Variants in EPHA8 observed in about 807,000 individuals in gnomAD.
The protein encoded by EPHA8 is ephrin type-A receptor 8.
In EPHA8, 58 loss-of-function variants were observed where a neutral mutation model predicts 103.6. The observed-to-expected ratio is 0.56, with a 90% CI of 0.45 to 0.70. The LOEUF is 0.70. EPHA8 is among the 30% of genes least tolerant of loss of function. The pLI is 0.00. For synonymous variants in EPHA8, 559 were observed against 572.5 expected (o/e 0.98, Z 0.34); for missense variants, 1,304 against 1,395.2 (o/e 0.93, Z 1.04).
At position 22,587,274 on chromosome 1, in the gene EPHA8, C is replaced by T. The variant is rs187164887; in HGVS notation, c.979+639C>T. Among the ~76,000 whole-genome samples, 12 of 152,248 alleles carry T rather than the reference C, an allele frequency of 7.9e-5. No individual in the cohort carries two copies. In the East Asian group the frequency reaches 1.2e-3, roughly 15 times the overall value. On this transcript the variant is annotated intron_variant, in intron 4 of 16. Transcript: ENST00000166244. ...GTTGAGCTCACATATATAAAGGATT[C>T]GTCACATATATTAAGGATTCTTAGG... is the stretch of plus-strand genomic sequence containing the variant.
At position 22,576,565 on chromosome 1, in the gene EPHA8, G is replaced by T; in HGVS notation, c.508G>T (p.Val170Leu). The T allele has an allele frequency of 6.2e-7, 1 of 1,614,148 alleles. No individual in the cohort carries two copies. The highest frequency in any genetic ancestry group is 8.5e-7 in the Non-Finnish European group (1 of 1,180,046). ...GVRRLKLNTEVRSVGPLSKRG... is the reference protein window; with the variant it reads ...GVRRLKLNTELRSVGPLSKRG... ...GCGGCGTCTCAAGCTCAACACGGAG[G>T]TGCGCAGTGTGGGTCCCCTCAGCAA... Residue 170 changes from valine (V) to leucine (L), a missense_variant, in exon 3 of 17, where the codon GTG (valine) becomes TTG (leucine). Physicochemically the swap from Val to Leu is conservative, Grantham distance 32. Transcript: ENST00000166244. This position sits in a 1 kb window ranked among gnomAD's most constrained non-coding sequence, Gnocchi z 4.8.
intron 2 of EPHA8, among the ~76,000 whole-genome samples, chr1:22,570,643 T>C (rs1640516484): frequency 7.2e-6 from 1 of 138,588 alleles, no homozygotes; most frequent in Non-Finnish European, 1.5e-5. Flanking sequence ...TCTCTCTCTC[T>C]GGGGGTCTGG....
rs141028919 is a variant in EPHA8 at position 22,586,554 on chromosome 1, G to T, written c.898G>T (p.Ala300Ser). Reference protein sequence around the residue: ...CARCPPHSHSAAPAAQACHCD... With the variant: ...CARCPPHSHSSAPAAQACHCD... ...CCGCTGCCCTCCCCACAGCCACTCC[G>T]CAGCTCCAGCCGCCCAAGCCTGCCA... Residue 300 changes from alanine to serine, a missense_variant, in exon 4 of 17, where the codon GCA becomes TCA. Physicochemically the swap from Ala to Ser is moderately conservative, Grantham distance 99 (BLOSUM62 1). Coordinates refer to ENST00000166244, the MANE Select transcript of EPHA8 (RefSeq NM_020526.5). The T allele has an allele frequency of 6.2e-7, 1 of 1,613,774 alleles. No homozygotes were observed. Among genetic ancestry groups the T allele is most frequent in the South Asian group, 1.1e-5 (1 of 91,068 alleles).
In EPHA8 at chr1:22,584,255, C is replaced by T. The variant is rs141793490; in HGVS notation, c.824-2225C>T. Among the ~76,000 whole-genome samples the T allele has an allele frequency of 8.2e-3, 1,242 of 152,280 alleles. 13 individuals carry two copies. Among genetic ancestry groups the T allele is most frequent in the African/African-American group, 0.028 (1,170 of 41,550 alleles). ...CCGGGGGGCTTCTGGGAAGAGGAGG[C>T]GAGATCACAGTGTGTCAGTCAAGAC... On this transcript the variant is annotated intron_variant, in intron 3 of 16. Coordinates refer to ENST00000166244, the MANE Select transcript of EPHA8 (RefSeq NM_020526.5).
chr1:22,598,032 G>T lies in EPHA8; in HGVS notation c.2117-119G>T. 2 of 1,416,566 alleles carry T rather than the reference G, an allele frequency of 1.4e-6. No individual in the cohort carries two copies. Among genetic ancestry groups the T allele is most frequent in the South Asian group, 2.4e-5 (2 of 84,534 alleles). 87.7% of individuals were successfully genotyped at this position (1,416,566 alleles called of 1,614,324 possible). A position where few individuals can be genotyped will look rare whatever the true frequency, so the allele number is the denominator to read the frequency against. ...GCCTGGGACCCCAGTGGAAACCCAAGGCACCCTGGGGTTTCCAGTGCTGGC... is the reference window on the plus strand; with the variant it reads ...GCCTGGGACCCCAGTGGAAACCCAATGCACCCTGGGGTTTCCAGTGCTGGC... On this transcript the variant is annotated intron_variant, in intron 11 of 16. Coordinates refer to ENST00000166244, the MANE Select transcript of EPHA8 (RefSeq NM_020526.5). This position sits in a 1 kb window ranked among gnomAD's most constrained non-coding sequence, Gnocchi z 5.1.
chr1:22,578,935 GTGTGTATGTATGCATGTGTGTCCA>G (rs1640926674), intron 3 of EPHA8, among the ~76,000 whole-genome samples: 1 of 151,206 alleles, frequency 6.6e-6, no homozygotes, highest in African/African-American at 2.4e-5. Flanking sequence ...ATGTGTGCAT[GTGTGTATGTATGCATGTGTGTCCA>G]TGTGTATGTT....
rs1447726294 is a variant in EPHA8 at position 22,569,870 on chromosome 1, A to G, written c.159+517A>G. Among the ~76,000 whole-genome samples, 2 of 152,154 alleles carry G rather than the reference A, an allele frequency of 1.3e-5. No homozygotes were observed. The highest frequency in any genetic ancestry group is 4.8e-5 in the African/African-American group (2 of 41,448). On this transcript the variant is annotated intron_variant, in intron 2 of 16. Transcript: ENST00000166244. The surrounding 1 kb of genome is among the most constrained non-coding windows in gnomAD (Gnocchi z 4.5). ...ATCCTCCTGGGGAAGGGCTGCAGTG[A>G]GCAGGCTGCACTGCCCCGTCCCTCT...
intron 3 of EPHA8, among the ~76,000 whole-genome samples, chr1:22,578,609 G>A (rs986306222): frequency 6.6e-6 from 1 of 151,528 alleles, no homozygotes; most frequent in Non-Finnish European, 1.5e-5. Context: ...ATGTGTGCAT[G>A]AGTGTATGTC....
chr1:22,570,457 C>T (rs1640506508), intron 2 of EPHA8, among the ~76,000 whole-genome samples: 1 of 152,280 alleles, frequency 6.6e-6, no homozygotes, highest in Non-Finnish European at 1.5e-5. Flanking sequence ...TGAGTTCTTT[C>T]ATGTCCACGT....
At chr1:22,586,382 G>T (rs903405238) in intron 3 of EPHA8, 98 bp from the exon 4 acceptor site, 10 of 1,451,982 alleles carry the variant, frequency 6.9e-6, no homozygotes, top group Admixed American at 3.8e-5. Flanking sequence ...ATCCCTCTGG[G>T]GCACCCCCCA....
rs1557555518 is a variant in EPHA8 at position 22,576,210 on chromosome 1, C to T, written c.160-7C>T. ...TGCTGTAGTGGCTGTGTTCTCTCTG[C>T]CCACAGTGGGACTCCATCAACGAGG... On this transcript the variant is annotated splice_region_variant and splice_polypyrimidine_tract_variant and intron_variant, in intron 2 of 16. Coordinates refer to ENST00000166244, the MANE Select transcript of EPHA8 (RefSeq NM_020526.5). The surrounding 1 kb of genome is among the most constrained non-coding windows in gnomAD (Gnocchi z 4.8). 1 of 1,598,920 alleles carries T rather than the reference C, an allele frequency of 6.3e-7. No individual in the cohort carries two copies. Among genetic ancestry groups the T allele is most frequent in the Non-Finnish European group, 8.5e-7 (1 of 1,171,068 alleles).
At chr1:22,586,990 G>T (rs1211170087) in intron 4 of EPHA8, among the ~76,000 whole-genome samples, 2 of 152,284 alleles carry the variant, frequency 1.3e-5, no homozygotes, top group African/African-American at 4.8e-5. Context: ...TGCGGAGAGG[G>T]TGAGGGTTAG....
Position 22,563,841 on chromosome 1 carries a change from G to C in EPHA8, c.94+112G>C, listed in dbSNP as rs1310462924. 1.3e-5 allele frequency: 2 copies of C among 152,762 alleles called. No individual in the cohort carries two copies. Among genetic ancestry groups the C allele is most frequent in the Non-Finnish European group, 2.9e-5 (2 of 68,030 alleles). The allele number at this position is 152,762 out of a possible 1,614,324, so 9.5% of individuals were successfully genotyped here. On this transcript the variant is annotated intron_variant, in intron 1 of 16. Coordinates refer to ENST00000166244, the MANE Select transcript of EPHA8 (RefSeq NM_020526.5). The surrounding 1 kb of genome is among the most constrained non-coding windows in gnomAD (Gnocchi z 4.4). ...GGACCCTGAGCTCCAAGGCGGCCGG[G>C]ATCCCTCGGCCCGGGGGGCGGGGTG...
rs1640449794 is a variant in EPHA8, at chr1:22,569,034, G to T, written c.95-255G>T. Among the ~76,000 whole-genome samples, 1 of 152,214 alleles carries T rather than the reference G, an allele frequency of 6.6e-6. No individual in the cohort carries two copies. The highest frequency in any genetic ancestry group is 2.1e-4 in the South Asian group (1 of 4,834). Reference sequence around the variant, plus strand: ...CACCAACCAAGGATGTCTGGCACTTGGAACAGCTTGTGTTCTGGGAGTTCA... The same window carrying T: ...CACCAACCAAGGATGTCTGGCACTTTGAACAGCTTGTGTTCTGGGAGTTCA... On this transcript the variant is annotated intron_variant, in intron 1 of 16. Transcript: ENST00000166244. The surrounding 1 kb of genome is among the most constrained non-coding windows in gnomAD (Gnocchi z 4.5).
Position 22,597,623 on chromosome 1 carries a change from G to A in EPHA8, c.1931-53G>A, listed in dbSNP as rs1641557130. 2 of 1,557,832 alleles carry A rather than the reference G, an allele frequency of 1.3e-6. No homozygotes were observed. The highest frequency in any genetic ancestry group is 1.2e-5 in the South Asian group (1 of 82,354). ...TCCAAGGGCCTGGGAGGCTGGGGGA[G>A]TCTGAGGGTCCCACTGCCCTCCCTC... On this transcript the variant is annotated intron_variant, in intron 10 of 16. Coordinates refer to ENST00000166244, the MANE Select transcript of EPHA8 (RefSeq NM_020526.5). This position sits in a 1 kb window ranked among gnomAD's most constrained non-coding sequence, Gnocchi z 4.6.
intron 5 of EPHA8, among the ~76,000 whole-genome samples, chr1:22,592,326 C>T (rs1251647602): frequency 6.6e-6 from 1 of 152,136 alleles, no homozygotes; most frequent in Non-Finnish European, 1.5e-5. Context: ...CGAATCCTCC[C>T]CTCCCCCTGG....
chr1:22,567,563 C>T lies in EPHA8; in HGVS notation c.95-1726C>T, dbSNP rs1640403128. On this transcript the variant is annotated intron_variant, in intron 1 of 16. Coordinates refer to ENST00000166244, the MANE Select transcript of EPHA8 (RefSeq NM_020526.5). This position sits in a 1 kb window ranked among gnomAD's most constrained non-coding sequence, Gnocchi z 4.2. Reference sequence around the variant, plus strand: ...AATGCAGGGAGGAGCGCGGAGACCCCCTCCCTAGTTCTGCCAGCCTCACTC... The same window carrying T: ...AATGCAGGGAGGAGCGCGGAGACCCTCTCCCTAGTTCTGCCAGCCTCACTC... 6.6e-6 allele frequency among the ~76,000 whole-genome samples: 1 copy of T among 152,078 alleles called. No individual in the cohort carries two copies. Among genetic ancestry groups the T allele is most frequent in the Non-Finnish European group, 1.5e-5 (1 of 67,990 alleles).
chr1:22,599,224 G>A (rs1007119263), intron 13 of EPHA8, among the ~76,000 whole-genome samples, 177 bp downstream of exon 13: 1 of 152,212 alleles, frequency 6.6e-6, no homozygotes, highest in African/African-American at 2.4e-5. Flanking sequence ...TGGGAAATGG[G>A]AACAGCCTTG....
intron 3 of EPHA8, among the ~76,000 whole-genome samples, chr1:22,580,519 A>G (rs1369208904): frequency 6.6e-6 from 1 of 152,080 alleles, no homozygotes; most frequent in Non-Finnish European, 1.5e-5. Flanking sequence ...TCTAAACCCC[A>G]AAGCACCTTC....
Sources: allele counts gnomAD v4.1 joint callset (sites outside exome capture counted in the v4.1 genomes callset), GRCh38; gene constraint gnomAD v4.1.1; non-coding constraint Gnocchi (gnomAD v3.1); transcripts MANE v1.5; gene names NCBI Gene and HGNC (gene_info 2026-07-23, HGNC 2026-07-21).